The following PCDH9 variants were observed in gnomAD, a reference collection of about 807,000 sequenced individuals.
The protein encoded by PCDH9 is protocadherin-9.
A neutral mutation model predicts 70.6 loss-of-function variants in PCDH9; 24 were observed. That is an observed-to-expected ratio of 0.34 (90% CI 0.25 to 0.48). PCDH9 has a LOEUF of 0.48. Among genes scored for constraint, PCDH9 ranks in the 20% least tolerant of loss-of-function variants. PCDH9 has a pLI of 0.99. For missense variants in PCDH9, 1,281 were observed against 1,503.6 expected, an observed-to-expected ratio of 0.85 and a Z score of 2.45; for synonymous variants, 562 against 558.5, an observed-to-expected ratio of 1.01 and a Z score of -0.09.
chr13:66,992,592 T>A (rs535050255), intron 2 of PCDH9, among the ~76,000 whole-genome samples: 13 of 152,210 alleles, frequency 8.5e-5, no homozygotes, highest in Non-Finnish European at 1.5e-4. Context: ...TGTTTCCACT[T>A]CACAACTCCC....
At chr13:66,335,404 A>G (rs1368064650) in intron 4 of PCDH9, among the ~76,000 whole-genome samples, 2 of 152,154 alleles carry the variant, frequency 1.3e-5, no homozygotes, top group African/African-American at 2.4e-5. Context: ...TGTTTAGATA[A>G]TAACAGCAAC....
intron 4 of PCDH9, among the ~76,000 whole-genome samples, chr13:66,445,597 T>C (rs1012185029): frequency 2.0e-4 from 29 of 143,480 alleles, no homozygotes; most frequent in African/African-American, 7.2e-4. Context: ...ATATATATTA[T>C]ATACACATAT....
intron 4 of PCDH9, among the ~76,000 whole-genome samples, chr13:66,325,788 A>C (rs1050193828): frequency 7.3e-5 from 11 of 150,936 alleles, no homozygotes; most frequent in African/African-American, 2.7e-4. Flanking sequence ...TAGTGAATAC[A>C]AGTACTTTCA....
At chr13:66,879,170 A>G (rs890353213) in intron 3 of PCDH9, among the ~76,000 whole-genome samples, 4 of 152,172 alleles carry the variant, frequency 2.6e-5, no homozygotes, top group African/African-American at 9.7e-5. Flanking sequence ...TTCTGGAGTC[A>G]AATAAAAAAT....
intron 4 of PCDH9, among the ~76,000 whole-genome samples, chr13:66,510,934 T>C (rs1292542190): frequency 6.6e-6 from 1 of 152,198 alleles, no homozygotes; most frequent in Admixed American, 6.6e-5. Context: ...TGAAATGCTG[T>C]TAAAGTTTAG....
intron 2 of PCDH9, among the ~76,000 whole-genome samples, chr13:67,119,834 A>G (rs1315838073): frequency 6.6e-6 from 1 of 152,182 alleles, no homozygotes; most frequent in Non-Finnish European, 1.5e-5. Flanking sequence ...GAATCGTGCA[A>G]GAATGGATAG....
intron 3 of PCDH9, among the ~76,000 whole-genome samples, chr13:66,817,775 ACAGGTGCATGCCAC>A (rs1294348659): frequency 3.3e-5 from 5 of 152,004 alleles, no homozygotes; most frequent in Admixed American, 3.3e-4. Flanking sequence ...AGCTGGCAAC[ACAGGTGCATGCCAC>A]CACCCCCAAG....
intron 3 of PCDH9, among the ~76,000 whole-genome samples, chr13:66,696,548 C>G (rs2078565158): frequency 6.6e-6 from 1 of 152,150 alleles, no homozygotes; most frequent in Non-Finnish European, 1.5e-5. Flanking sequence ...TGATATATCT[C>G]AGTTTATGTC....
intron 3 of PCDH9, among the ~76,000 whole-genome samples, chr13:66,848,689 G>A (rs987301355): frequency 2.6e-5 from 4 of 152,036 alleles, no homozygotes; most frequent in African/African-American, 9.7e-5. Flanking sequence ...AGCACTCTGG[G>A]AGGCTGAGGC....
intron 2 of PCDH9, among the ~76,000 whole-genome samples, chr13:67,063,965 T>C (rs1273882012): frequency 6.6e-6 from 1 of 152,150 alleles, no homozygotes; most frequent in Non-Finnish European, 1.5e-5. Flanking sequence ...TTTGCATAAA[T>C]TATTTAATAG....
intron 2 of PCDH9, chr13:67,221,037 A>T (rs2089713995): frequency 6.6e-6 from 1 of 152,144 alleles, no homozygotes. Context: ...CTTCATGACC[A>T]TAGGGCACTT....
chr13:66,305,004 A>G lies in PCDH9; in HGVS notation c.3365T>C (p.Leu1122Ser). The G allele has an allele frequency of 6.2e-7, 1 of 1,611,790 alleles. No homozygotes were observed. The highest frequency in any genetic ancestry group is 8.5e-7 in the Non-Finnish European group (1 of 1,178,444). ...NSDGPLGPRG[L>S]AEATEMCTQE... ...AGTGCACATCTCTGTAGCTTCAGCT[A>G]ATCCTCGGGGACCCAAAGGCCCATC... Residue 1122 changes from leucine (L) to serine (S), a missense_variant, in exon 5 of 5, where the codon TTA (leucine) becomes TCA (serine). Physicochemically the swap from Leu to Ser is moderately radical, Grantham distance 145. Coordinates refer to ENST00000377865, the MANE Select transcript of PCDH9 (RefSeq NM_203487.3).
chr13:66,878,012 G>T (rs2081849206), intron 3 of PCDH9, among the ~76,000 whole-genome samples: 1 of 152,018 alleles, frequency 6.6e-6, no homozygotes, highest in Admixed American at 6.6e-5. Context: ...ATCAGCATTT[G>T]ACACCAGTCT....
chr13:66,573,799 C>T (rs954853064), intron 4 of PCDH9, among the ~76,000 whole-genome samples: 1 of 152,032 alleles, frequency 6.6e-6, no homozygotes, highest in African/African-American at 2.4e-5. Flanking sequence ...AAATGCAATG[C>T]AATTATCAGT....
intron 4 of PCDH9, among the ~76,000 whole-genome samples, chr13:66,338,007 G>C (rs112255479): frequency 1.7e-3 from 259 of 152,170 alleles, no homozygotes; most frequent in African/African-American, 5.9e-3. Flanking sequence ...AGATCAGATG[G>C]ACCTGGCTCC....
chr13:66,917,832 C>T (rs1172638817), intron 2 of PCDH9, among the ~76,000 whole-genome samples: 1 of 151,270 alleles, frequency 6.6e-6, no homozygotes, highest in Non-Finnish European at 1.5e-5. Context: ...CTATTAAGGA[C>T]AGCTCCCTCT....
At chr13:66,774,094 A>G (rs1001963223) in intron 3 of PCDH9, among the ~76,000 whole-genome samples, 1 of 152,136 alleles carries the variant, frequency 6.6e-6, no homozygotes, top group Non-Finnish European at 1.5e-5. Context: ...GTAATTTTTT[A>G]CACTAACATT....
chr13:67,006,280 A>T (rs1320746996), intron 2 of PCDH9, among the ~76,000 whole-genome samples: 1 of 152,180 alleles, frequency 6.6e-6, no homozygotes, highest in African/African-American at 2.4e-5. Context: ...ATATTGTTAT[A>T]ACACCCTAAG....
At chr13:66,975,318 C>T (rs150502274) in intron 2 of PCDH9, among the ~76,000 whole-genome samples, 9 of 152,076 alleles carry the variant, frequency 5.9e-5, no homozygotes, top group Admixed American at 2.6e-4. Flanking sequence ...TCCATTCTAA[C>T]GACAAATTAT....
Sources: gnomAD v4.1 joint callset for allele counts (sites outside exome capture counted in the v4.1 genomes callset) on GRCh38, gnomAD v4.1.1 for gene constraint, MANE v1.5 for transcripts, NCBI Gene and HGNC (gene_info 2026-07-23, HGNC 2026-07-21) for gene names.